EIF3G: variants seen among roughly 807,000 people sequenced by gnomAD.
The protein encoded by EIF3G is eukaryotic translation initiation factor 3 subunit G.
In EIF3G, 10 loss-of-function variants were observed where a neutral mutation model predicts 41.7. The observed-to-expected ratio is 0.24, with a 90% CI of 0.15 to 0.41. The LOEUF (loss-of-function observed/expected upper bound fraction) is 0.41, where lower values mean the gene tolerates loss of function less well. EIF3G is among the 10% of genes least tolerant of loss of function. The pLI, the probability that EIF3G is intolerant of heterozygous loss-of-function variation, is 1.00. For missense variants in EIF3G, 297 were observed against 444.0 expected, an observed-to-expected ratio of 0.67 and a Z score of 2.98; for synonymous variants, 204 against 172.5, an observed-to-expected ratio of 1.18 and a Z score of -1.43.
Position 10,117,185 on chromosome 19 carries a change from A to G in EIF3G, c.304T>C (p.Trp102Arg). The G allele has an allele frequency of 6.2e-7, 1 of 1,606,020 alleles. No individual in the cohort carries two copies. The highest frequency in any genetic ancestry group is 1.1e-5 in the South Asian group (1 of 90,148). ...ASKAVARRKNWKKFGNSEFDP... is the reference protein window; with the variant it reads ...ASKAVARRKNRKKFGNSEFDP... ...AACTCTGAGTTCCCGAACTTCTTCCAGTTCTGGGCTCAGGGAGGGATGGGG... is the reference window on the plus strand; with the variant it reads ...AACTCTGAGTTCCCGAACTTCTTCCGGTTCTGGGCTCAGGGAGGGATGGGG... Residue 102 changes from tryptophan to arginine, a missense_variant, in exon 6 of 11, where the codon TGG becomes CGG. By Grantham distance (101) the Trp-to-Arg change is moderately radical. Transcript: ENST00000253108.
chr19:10,119,011 A>G, intron 3 of EIF3G, 55 bp from the exon 4 acceptor site: 4 of 1,613,248 alleles, frequency 2.5e-6, no homozygotes, highest in Non-Finnish European at 3.4e-6. Context: ...GGGGATCAGG[A>G]GCGGCAGGGC....
intron 10 of EIF3G, 121 bp from the exon 11 acceptor site, chr19:10,115,250 A>G (rs2089221306): frequency 3.0e-6 from 4 of 1,343,350 alleles, no homozygotes; most frequent in Non-Finnish European, 4.1e-6. Context: ...CGAAGCGGGC[A>G]CGGAGCCAGA....
chr19:10,115,708 C>G lies in EIF3G; in HGVS notation c.816G>C (p.Lys272Asn), dbSNP rs1199329621. 1 of 1,614,108 alleles carries G rather than the reference C, an allele frequency of 6.2e-7. No individual in the cohort carries two copies. The highest frequency in any genetic ancestry group is 1.3e-5 in the African/African-American group (1 of 74,954). Residue 272 changes from lysine (K) to asparagine (N), a missense_variant, in exon 9 of 11, where the codon AAG (lysine) becomes AAC (asparagine). This residue lies in a region of EIF3G where 91 missense variants were observed against 170.5 expected (regional missense o/e 0.53). Coordinates refer to ENST00000253108, the MANE Select transcript of EIF3G (RefSeq NM_003755.5). Reference protein sequence around the residue: ...FGSISRIYLAKDKTTGQSKGF... With the variant: ...FGSISRIYLANDKTTGQSKGF... ...CCTTGGATTGGCCAGTGGTCTTGTCCTTAGCCAGGTAGATGCGGGAGATGG... is the reference window on the plus strand; with the variant it reads ...CCTTGGATTGGCCAGTGGTCTTGTCGTTAGCCAGGTAGATGCGGGAGATGG...
chr19:10,116,197 AG>A lies in EIF3G; in HGVS notation c.596-124del. 2 of 973,606 alleles carry A rather than the reference AG, an allele frequency of 2.1e-6. No homozygotes were observed. Among genetic ancestry groups the A allele is most frequent in the Non-Finnish European group, 3.0e-6 (2 of 661,392 alleles). The allele number at this position is 973,606 out of a possible 1,614,324, so 60.3% of individuals were successfully genotyped here. ...AGGCACTGTGTGCCAAACCACAGGC[AG>A]CCAGTTGGCCACGAGGACACCAAGG... On this transcript the variant is annotated intron_variant, in intron 7 of 10. Coordinates refer to ENST00000253108, the MANE Select transcript of EIF3G (RefSeq NM_003755.5). The surrounding 1 kb of genome is among the most constrained non-coding windows in gnomAD (Gnocchi z 4.1).
rs745999028 is a variant in EIF3G, at chr19:10,119,844, A to G, written c.16T>C (p.Phe6Leu). 1.5e-5 allele frequency: 25 copies of G among 1,614,092 alleles called. No individual in the cohort carries two copies. The East Asian group carries it at 1.8e-4, about 12-fold the overall frequency. ...TTTCCGCGATCGCCGACTCACTCAA[A>G]GTCTCCAGTAGGCATCGCAAAAAGT... MPTGD[F>L]DSKPSWADQV... Residue 6 changes from phenylalanine to leucine, a missense_variant, in exon 1 of 11, where the codon TTT (phenylalanine) becomes CTT (leucine). By Grantham distance (22) the Phe-to-Leu change is conservative. Around this residue, in one of 4 missense-constraint regions of EIF3G, gnomAD observed 147 missense variants for 162.4 expected, o/e 0.91. Transcript: ENST00000253108.
chr19:10,119,731 T>C, intron 1 of EIF3G, 31 bp from the exon 2 acceptor site: 1 of 1,612,548 alleles, frequency 6.2e-7, no homozygotes, highest in Non-Finnish European at 8.5e-7. Flanking sequence ...GGAACGAAGA[T>C]TAAGTCAGCC....
rs2089247887 is a variant in EIF3G, at chr19:10,116,280, G to C, written c.596-206C>G. The C allele has an allele frequency of 1.7e-6, 1 of 603,278 alleles. No homozygotes were observed. The highest frequency in any genetic ancestry group is 2.9e-6 in the Non-Finnish European group (1 of 340,784). The allele number at this position is 603,278 out of a possible 1,614,324, so 37.4% of individuals were successfully genotyped here. A position where few individuals can be genotyped will look rare whatever the true frequency, so the allele number is the denominator to read the frequency against. On this transcript the variant is annotated intron_variant, in intron 7 of 10. Transcript: ENST00000253108. The surrounding 1 kb of genome is among the most constrained non-coding windows in gnomAD (Gnocchi z 4.1). Reference sequence around the variant, plus strand: ...CCCAGCCAGCGACACTGGTGGAGGAGGAGGAGGAGGAGCCCCGACCCCACC... The same window carrying C: ...CCCAGCCAGCGACACTGGTGGAGGACGAGGAGGAGGAGCCCCGACCCCACC...
At position 10,115,014 on chromosome 19, in the gene EIF3G, TAG is replaced by T. The variant is rs150000415; in HGVS notation, c.*98_*99del. Reference sequence around the variant, plus strand: ...AGACGCAAGAACAAAAAGAACCAAGTAGAGAGAGTGGAGCTGCTTTATTGCCC... The same window carrying T: ...AGACGCAAGAACAAAAAGAACCAAGTAGAGAGTGGAGCTGCTTTATTGCCC... On this transcript the variant is annotated 3_prime_UTR_variant, in exon 11 of 11. Transcript: ENST00000253108. The T allele has an allele frequency of 1.5e-5, 23 of 1,555,556 alleles. No homozygotes were observed. Among genetic ancestry groups the T allele is most frequent in the Non-Finnish European group, 2.0e-5 (23 of 1,137,632 alleles).
At chr19:10,117,254 C>T (rs1022249756) in intron 5 of EIF3G, 66 bp from the exon 6 acceptor site, 7 of 1,238,806 alleles carry the variant, frequency 5.7e-6, no homozygotes, top group Non-Finnish European at 6.8e-6. Context: ...AGTGGGGTGC[C>T]CTAGACCTAC....
intron 10 of EIF3G, 117 bp downstream of exon 10, chr19:10,115,362 C>T (rs1568493963): frequency 3.9e-6 from 5 of 1,283,234 alleles, no homozygotes; most frequent in Non-Finnish European, 5.4e-6. Flanking sequence ...AGGACTGTCC[C>T]CTCAAAACCA....
At chr19:10,115,883 C>G (rs2089237786) in intron 8 of EIF3G, 63 bp from the exon 9 acceptor site, 16 of 1,590,754 alleles carry the variant, frequency 1.0e-5, no homozygotes, top group Non-Finnish European at 1.3e-5. Context: ...GTGTGCTGCC[C>G]AGCCCTCGTG....
At position 10,115,692 on chromosome 19, in the gene EIF3G, G is replaced by C; in HGVS notation, c.832C>G (p.Gln278Glu). Residue 278 changes from glutamine (Q) to glutamate (E), a missense_variant, in exon 9 of 11, where the codon CAA becomes GAA. By Grantham distance (29) the Gln-to-Glu change is conservative. Around this residue, in one of 4 missense-constraint regions of EIF3G, gnomAD observed 91 missense variants for 170.5 expected, o/e 0.53. Transcript: ENST00000253108. Reference sequence around the variant, plus strand: ...CCTGCCTGCCTGCCCACCTTGGATTGGCCAGTGGTCTTGTCCTTAGCCAGG... The same window carrying C: ...CCTGCCTGCCTGCCCACCTTGGATTCGCCAGTGGTCTTGTCCTTAGCCAGG... ...IYLAKDKTTG[Q>E]SKGFAFISFH... is the part of the protein sequence containing the mutation. 1 of 1,614,212 alleles carries C rather than the reference G, an allele frequency of 6.2e-7. No homozygotes were observed. Among genetic ancestry groups the C allele is most frequent in the Non-Finnish European group, 8.5e-7 (1 of 1,180,036 alleles).
intron 2 of EIF3G, 38 bp from the exon 3 acceptor site, chr19:10,119,209 G>C: frequency 5.8e-6 from 9 of 1,551,556 alleles, no homozygotes; most frequent in Non-Finnish European, 7.9e-6. Flanking sequence ...GTCAGCTCCA[G>C]GGGCAGGAGC....
chr19:10,116,448 A>G lies in EIF3G; in HGVS notation c.595+352T>C, dbSNP rs371462929. 2,000 of 477,890 alleles carry G rather than the reference A, an allele frequency of 4.2e-3. 29 individuals carry two copies. The highest frequency in any genetic ancestry group is 0.023 in the South Asian group (857 of 37,638). The allele number at this position is 477,890 out of a possible 1,614,324, so 29.6% of individuals were successfully genotyped here. The stretch of plus-strand genomic sequence containing the variant: ...CGTCTGCACTCTCACACTCGCCACC[A>G]GCAAATCCCACCAAAGAATTCGGAC... On this transcript the variant is annotated intron_variant, in intron 7 of 10. Coordinates refer to ENST00000253108, the MANE Select transcript of EIF3G (RefSeq NM_003755.5). The surrounding 1 kb of genome is among the most constrained non-coding windows in gnomAD (Gnocchi z 4.1).
chr19:10,118,848 C>G lies in EIF3G; in HGVS notation c.240+20G>C, dbSNP rs1407352363. The G allele has an allele frequency of 6.2e-7, 1 of 1,612,464 alleles. No homozygotes were observed. Among genetic ancestry groups the G allele is most frequent in the Non-Finnish European group, 8.5e-7 (1 of 1,179,040 alleles). ...CCCCCAAGCACAAGGGTCCCCACTC[C>G]CTGCACCCCCCACCCTCACCTTGAA... is the stretch of plus-strand genomic sequence containing the variant. On this transcript the variant is annotated intron_variant, in intron 4 of 10. Transcript: ENST00000253108.
At chr19:10,115,889 T>G in intron 8 of EIF3G, 69 bp from the exon 9 acceptor site, 2 of 1,597,074 alleles carry the variant, frequency 1.3e-6, no homozygotes, top group Non-Finnish European at 1.7e-6. Context: ...TGCCCAGCCC[T>G]CGTGTGCACG....
At chr19:10,115,360 C>T (rs563719052) in intron 10 of EIF3G, 119 bp downstream of exon 10, 811 of 1,245,120 alleles carry the variant, frequency 6.5e-4, no homozygotes, top group Non-Finnish European at 8.5e-4. Context: ...AAAGGACTGT[C>T]CCCTCAAAAC....
intron 5 of EIF3G, chr19:10,118,287 C>G (rs377745949): frequency 4.0e-6 from 1 of 250,380 alleles, no homozygotes; most frequent in East Asian, 1.2e-4. Flanking sequence ...TAAGCCTGGC[C>G]GGGTGCGATG....
At position 10,117,177 on chromosome 19, in the gene EIF3G, C is replaced by A; in HGVS notation, c.312G>T (p.Lys104Asn). 1 of 1,610,572 alleles carries A rather than the reference C, an allele frequency of 6.2e-7. No homozygotes were observed. Among genetic ancestry groups the A allele is most frequent in the African/African-American group, 1.3e-5 (1 of 74,888 alleles). The change falls in exon 6 of 11, where the codon AAG (lysine) becomes AAT (asparagine). Residue 104 changes from lysine (K) to asparagine (N), a missense_variant. This residue lies in a region of EIF3G where 147 missense variants were observed against 162.4 expected (regional missense o/e 0.91). Coordinates refer to ENST00000253108, the MANE Select transcript of EIF3G (RefSeq NM_003755.5). The stretch of plus-strand genomic sequence containing the variant: ...GGGGGTCAAACTCTGAGTTCCCGAA[C>A]TTCTTCCAGTTCTGGGCTCAGGGAG... Reference protein sequence around the residue: ...KAVARRKNWKKFGNSEFDPPG... With the variant: ...KAVARRKNWKNFGNSEFDPPG...
Sources: gnomAD v4.1 joint callset for allele counts on GRCh38, gnomAD v4.1.1 for gene constraint, gnomAD v4.1.1 regional missense constraint, Gnocchi (gnomAD v3.1) non-coding constraint, MANE v1.5 for transcripts, NCBI Gene and HGNC (gene_info 2026-07-23, HGNC 2026-07-21) for gene names.